GALK1: variants seen among roughly 807,000 people sequenced by gnomAD.
GALK1 encodes the protein galactokinase 1, also known as galactokinase.
Under a neutral mutation model 38.6 loss-of-function variants are expected in GALK1, and 30 were observed. That is an observed-to-expected ratio of 0.78 (90% confidence interval 0.58 to 1.05). The LOEUF (loss-of-function observed/expected upper bound fraction) is 1.05, where lower values mean the gene tolerates loss of function less well. GALK1 is among the 50% of genes least tolerant of loss of function. The probability of loss-of-function intolerance (pLI) is 0.00; values close to 1 mark genes in which losing one functional copy is unlikely to be tolerated. For missense variants in GALK1, 512 were observed against 540.5 expected (o/e 0.95, Z 0.52); for synonymous variants, 240 against 233.6 (o/e 1.03, Z -0.25).
At chr17:75,754,363 C>G (rs1237928793), downstream of GALK1, 2 of 620,858 alleles carry the variant, frequency 3.2e-6, no homozygotes, top group Non-Finnish European at 2.8e-6. Flanking sequence ...ATAGAGTGGC[C>G]GGCCAGAGGA....
chr17:75,763,616 C>G, intron 2 of GALK1, 177 bp from the exon 3 acceptor site: 1 of 761,594 alleles, frequency 1.3e-6, no homozygotes, highest in Non-Finnish European at 2.2e-6. Context: ...CTCCATTTTC[C>G]CACCCTCTGA....
Position 75,763,393 on chromosome 17 carries a change from G to A in GALK1, c.402C>T (p.Pro134=). ...GFSAVVVSSV[P]LGGGLSSSAS... ...CTGAGCTGGACAGGCCACCCCCCAG[G>A]GGCACTGAGCTGACCACCACTGCAC... The change falls in exon 3 of 8, where the codon CCC becomes CCT. Residue 134 remains proline, a synonymous_variant. Coordinates refer to ENST00000588479, the MANE Select transcript of GALK1 (RefSeq NM_000154.2). 6.2e-7 allele frequency: 1 copy of A among 1,612,750 alleles called. No individual in the cohort carries two copies. The highest frequency in any genetic ancestry group is 8.5e-7 in the Non-Finnish European group (1 of 1,179,536).
chr17:75,764,212 G>T, intron 1 of GALK1, 126 bp from the exon 2 acceptor site: 1 of 955,840 alleles, frequency 1.0e-6, no homozygotes, highest in Non-Finnish European at 1.7e-6. Flanking sequence ...CAGGTTCAGC[G>T]TCGCAGGGAA....
downstream of GALK1, chr17:75,756,672 ACAGGCT>A: frequency 6.2e-7 from 1 of 1,612,388 alleles, no homozygotes; most frequent in Non-Finnish European, 8.5e-7. Flanking sequence ...CCACCCACCC[ACAGGCT>A]GATGCTCTTC....
downstream of GALK1, chr17:75,757,290 C>A (rs1023805043): frequency 6.2e-7 from 1 of 1,612,000 alleles, no homozygotes; most frequent in African/African-American, 1.3e-5. Flanking sequence ...CACACCAGCG[C>A]CACCGAGCCC....
chr17:75,758,362 C>T lies in GALK1; in HGVS notation c.955G>A (p.Glu319Lys). The T allele has an allele frequency of 6.3e-7, 1 of 1,591,966 alleles. No homozygotes were observed. Among genetic ancestry groups the T allele is most frequent in the Admixed American group, 1.8e-5 (1 of 56,310 alleles). Residue 319 changes from glutamate (E) to lysine (K), a missense_variant, in exon 7 of 8, where the codon GAG (glutamate) becomes AAG (lysine). Transcript: ENST00000588479. ...TGGTCCAGCTCTGGGCAGCTCACCT[C>T]ATAGTCGTCTCTGCAGAGAGGATAT... is the stretch of plus-strand genomic sequence containing the variant. ...ESHRSLRDDYEVSCPELDQLV... is the reference protein window; with the variant it reads ...ESHRSLRDDYKVSCPELDQLV...
rs1158887492 is a variant in GALK1 at position 75,765,106 on chromosome 17, C to G, written c.31G>C (p.Glu11Gln). The stretch of plus-strand genomic sequence containing the variant: ...GCTCGCCGGGCCTCGGCCAGCAGCT[C>G]CGCGACCTGGGGCTGTCTCAAAGCA... MAALRQPQVAELLAEARRAFR... is the reference protein window; with the variant it reads MAALRQPQVAQLLAEARRAFR... Residue 11 changes from glutamate to glutamine, a missense_variant, in exon 1 of 8, where the codon GAG (glutamate) becomes CAG (glutamine). Coordinates refer to ENST00000588479, the MANE Select transcript of GALK1 (RefSeq NM_000154.2). The G allele has an allele frequency of 6.3e-7, 1 of 1,586,184 alleles. No individual in the cohort carries two copies. The highest frequency in any genetic ancestry group is 8.6e-7 in the Non-Finnish European group (1 of 1,167,758).
At chr17:75,764,859 C>T in intron 1 of GALK1, 113 bp downstream of exon 1, 4 of 1,207,542 alleles carry the variant, frequency 3.3e-6, no homozygotes, top group African/African-American at 1.5e-5. Context: ...GGCGCAGCTG[C>T]CCGCCCCACA....
chr17:75,758,450 T>C lies in GALK1; in HGVS notation c.943A>G (p.Arg315Gly). The change falls in exon 6 of 8, where the codon AGA becomes GGA. Residue 315 changes from arginine (R) to glycine (G), a missense_variant and splice_region_variant. By Grantham distance (125) the Arg-to-Gly change is moderately radical. Coordinates refer to ENST00000588479, the MANE Select transcript of GALK1 (RefSeq NM_000154.2). ...RLMVESHRSL[R>G]DDYEVSCPEL... Reference sequence around the variant, plus strand: ...AGCGGGGCGCCCAGAGGGCCTCACCTGAGTGAGCGGTGGCTCTCCACCATG... The same window carrying C: ...AGCGGGGCGCCCAGAGGGCCTCACCCGAGTGAGCGGTGGCTCTCCACCATG... The C allele has an allele frequency of 1.3e-6, 2 of 1,574,798 alleles. No individual in the cohort carries two copies. The highest frequency in any genetic ancestry group is 1.7e-6 in the Non-Finnish European group (2 of 1,161,268).
intron 8 of GALK1, chr17:75,752,611 T>TG: frequency 6.2e-7 from 1 of 1,612,138 alleles, no homozygotes; most frequent in Middle Eastern, 1.7e-4. Context: ...AAGAGGACAG[T>TG]GGGGGTCTTG....
chr17:75,764,870 T>A, intron 1 of GALK1, 102 bp downstream of exon 1: 2 of 1,324,666 alleles, frequency 1.5e-6, no homozygotes, highest in Non-Finnish European at 2.1e-6. Flanking sequence ...CCGCCCCACA[T>A]CTCCCGCGGG....
At chr17:75,755,538 G>A (rs887494935), downstream of GALK1, among the ~76,000 whole-genome samples, 4 of 152,166 alleles carry the variant, frequency 2.6e-5, no homozygotes, top group African/African-American at 9.7e-5. Flanking sequence ...TGTGCGGTAG[G>A]TGCTGGGCAG....
intron 3 of GALK1, 42 bp from the exon 4 acceptor site, chr17:75,763,191 G>A (rs1479894282): frequency 4.3e-6 from 7 of 1,609,736 alleles, no homozygotes; most frequent in Non-Finnish European, 5.9e-6. Flanking sequence ...GCTGGTGGAA[G>A]CAGCAGTGGC....
At chr17:75,757,639 G>A (rs1356779806), downstream of GALK1, 7 of 1,575,362 alleles carry the variant, frequency 4.4e-6, no homozygotes, top group Non-Finnish European at 5.2e-6. Flanking sequence ...CTCCATCCTT[G>A]CACCCCTGGG....
Position 75,763,177 on chromosome 17 carries a change from T to G in GALK1, c.476-28A>C, listed in dbSNP as rs1490847934. ...GCAGTACAGGGTGAGGTGGGGAGGC[T>G]AGGGCTGGTGGAAGCAGCAGTGGCT... On this transcript the variant is annotated intron_variant, in intron 3 of 7. Transcript: ENST00000588479. 10 of 1,610,202 alleles carry G rather than the reference T, an allele frequency of 6.2e-6. No homozygotes were observed. In the Admixed American group the frequency reaches 1.7e-4, roughly 27 times the overall value.
rs201247556 is a variant in GALK1, at chr17:75,758,529, C to G, written c.864G>C (p.Thr288=). ...ARHVVGEIRR[T]AQAAAALRRG... is the part of the protein sequence containing the mutation. ...GTCTCAGGGCGGCCGCTGCCTGGGC[C>G]GTGCGCCGAATCTCCCCCACCACGT... is the stretch of plus-strand genomic sequence containing the variant. Residue 288 remains threonine, a synonymous_variant, in exon 6 of 8, where the codon ACG becomes ACC. Transcript: ENST00000588479. The G allele has an allele frequency of 1.4e-4, 227 of 1,591,468 alleles. 1 individual carries two copies. The African/African-American group carries it at 2.7e-3, about 19-fold the overall frequency.
At chr17:75,753,691 G>A, downstream of GALK1, 1 of 1,036,670 alleles carries the variant, frequency 9.6e-7, no homozygotes, top group Non-Finnish European at 1.2e-6. Context: ...CAGAGCCTAC[G>A]GCCTTCCCCC....
chr17:75,756,422 C>A, downstream of GALK1: 1 of 1,612,860 alleles, frequency 6.2e-7, no homozygotes, highest in South Asian at 1.1e-5. Context: ...CCACCTGATC[C>A]CCCCAGGTGA....
At chr17:75,757,521 G>C (rs35234235), downstream of GALK1, 1 of 1,613,402 alleles carries the variant, frequency 6.2e-7, no homozygotes, top group African/African-American at 1.3e-5. Context: ...GGAACCCTTA[G>C]CACCCACATG....
Sources: allele counts gnomAD v4.1 joint callset (sites outside exome capture counted in the v4.1 genomes callset), GRCh38; gene constraint gnomAD v4.1.1; transcripts MANE v1.5; gene names NCBI Gene and HGNC (gene_info 2026-07-23, HGNC 2026-07-21).